The following EXOC6B variants were observed in gnomAD, a reference collection of about 807,000 sequenced individuals.
EXOC6B encodes exocyst complex component 6B.
EXOC6B carries 54 observed loss-of-function variants against 113.5 expected under a neutral mutation model. The ratio of observed to expected loss-of-function variants is 0.48; its 90% CI spans 0.38 to 0.60. EXOC6B has a LOEUF of 0.60. Ranked by LOEUF, EXOC6B falls within the 20% of genes least tolerant of loss-of-function variation. The pLI is 0.00. For missense variants in EXOC6B, 797 were observed against 977.5 expected (o/e 0.82, Z 2.46); for synonymous variants, 357 against 339.0 (o/e 1.05, Z -0.58).
chr2:72,397,626 A>AAAAATAAAT lies in EXOC6B; in HGVS notation c.1981-17757_1981-17756insATTTATTTT, dbSNP rs1297110503. 9.2e-3 allele frequency among the ~76,000 whole-genome samples: 1,211 copies of AAAAATAAAT among 131,612 alleles called. 29 individuals are homozygous for AAAAATAAAT. The highest frequency in any genetic ancestry group is 0.031 in the African/African-American group (1,004 of 32,434). The allele number at this position is 131,612 out of a possible 152,430, so 86.3% of individuals were successfully genotyped here. ...AGGTGAAACCTCATCTCAAAAAAAA[A>AAAAATAAAT]AAATAAAATAAAATAAAATAAAATA... is the stretch of plus-strand genomic sequence containing the variant. On this transcript the variant is annotated intron_variant, in intron 18 of 21. Transcript: ENST00000272427.
At chr2:72,585,416 G>A (rs1473997423) in intron 6 of EXOC6B, among the ~76,000 whole-genome samples, 9 of 151,998 alleles carry the variant, frequency 5.9e-5, no homozygotes, top group Admixed American at 4.6e-4. Context: ...TGGCCAACAC[G>A]GTGAAACCCC....
intron 19 of EXOC6B, among the ~76,000 whole-genome samples, chr2:72,373,761 T>C (rs1691180555): frequency 6.6e-6 from 1 of 152,140 alleles, no homozygotes; most frequent in Non-Finnish European, 1.5e-5. Flanking sequence ...ACACAGGCAA[T>C]AACAAATGCT....
intron 8 of EXOC6B, among the ~76,000 whole-genome samples, chr2:72,518,483 G>GGC (rs1304428616): frequency 3.5e-5 from 5 of 143,382 alleles, no homozygotes; most frequent in Non-Finnish European, 6.1e-5. Context: ...ATTAAAGTAG[G>GGC]GTGTGTGTGT....
At chr2:72,648,785 G>A (rs1475350045) in intron 6 of EXOC6B, among the ~76,000 whole-genome samples, 2 of 145,434 alleles carry the variant, frequency 1.4e-5, no homozygotes, top group African/African-American at 5.2e-5. Flanking sequence ...TATGTTAAAT[G>A]AAATAAACCA....
At chr2:72,612,174 C>T (rs1257080820) in intron 6 of EXOC6B, among the ~76,000 whole-genome samples, 1 of 151,968 alleles carries the variant, frequency 6.6e-6, no homozygotes, top group Non-Finnish European at 1.5e-5. Flanking sequence ...ACTCGGAAGG[C>T]TGAGGCACGA....
At chr2:72,665,258 C>T (rs576226244) in intron 6 of EXOC6B, among the ~76,000 whole-genome samples, 1 of 152,278 alleles carries the variant, frequency 6.6e-6, no homozygotes, top group African/African-American at 2.4e-5. Flanking sequence ...CTCTCCCACA[C>T]ACACACTTGG....
chr2:72,453,410 C>A (rs1697025284), intron 18 of EXOC6B, among the ~76,000 whole-genome samples: 1 of 152,002 alleles, frequency 6.6e-6, no homozygotes, highest in African/African-American at 2.4e-5. Flanking sequence ...AAAATGCCAA[C>A]AACAATTTTG....
chr2:72,378,450 T>C (rs778203336), intron 19 of EXOC6B, among the ~76,000 whole-genome samples: 2 of 152,208 alleles, frequency 1.3e-5, no homozygotes, highest in Non-Finnish European at 2.9e-5. Context: ...ATGGCAAGAT[T>C]ACCTTATGTG....
chr2:72,417,271 C>G (rs1239297460), intron 18 of EXOC6B, among the ~76,000 whole-genome samples: 1 of 152,098 alleles, frequency 6.6e-6, no homozygotes, highest in Non-Finnish European at 1.5e-5. Context: ...TCTTCTCACC[C>G]CTCCACCTCC....
intron 6 of EXOC6B, among the ~76,000 whole-genome samples, chr2:72,611,029 A>T (rs1315147257): frequency 6.6e-6 from 1 of 152,144 alleles, no homozygotes; most frequent in Non-Finnish European, 1.5e-5. Context: ...AAAGCACCAG[A>T]TAAACCCAGA....
intron 6 of EXOC6B, among the ~76,000 whole-genome samples, chr2:72,657,826 CT>C (rs1674707313): frequency 6.6e-6 from 1 of 151,102 alleles, no homozygotes; most frequent in Non-Finnish European, 1.5e-5. Flanking sequence ...AATGCATTTA[CT>C]TTTTTTAATG....
chr2:72,479,238 T>C (rs1698930541), intron 17 of EXOC6B, among the ~76,000 whole-genome samples: 1 of 152,180 alleles, frequency 6.6e-6, no homozygotes, highest in Non-Finnish European at 1.5e-5. Context: ...AATGTGTAAC[T>C]TAACCTAGCA....
chr2:72,470,641 C>T (rs1375137295), intron 17 of EXOC6B, among the ~76,000 whole-genome samples: 6 of 149,656 alleles, frequency 4.0e-5, no homozygotes, highest in East Asian at 2.0e-4. Context: ...CAACAGGCCC[C>T]GGTGTGTGAT....
chr2:72,618,528 C>G (rs1671544019), intron 6 of EXOC6B, among the ~76,000 whole-genome samples: 2 of 152,098 alleles, frequency 1.3e-5, no homozygotes, highest in Non-Finnish European at 2.9e-5. Context: ...CCAAGATTTC[C>G]CTTCTTGAGA....
Position 72,471,374 on chromosome 2 carries a change from G to A in EXOC6B, c.1801-6035C>T, listed in dbSNP as rs562728994. 2.6e-5 allele frequency among the ~76,000 whole-genome samples: 4 copies of A among 152,288 alleles called. No homozygotes were observed. In the East Asian group the frequency reaches 7.7e-4, roughly 29 times the overall value. On this transcript the variant is annotated intron_variant, in intron 17 of 21. Coordinates refer to ENST00000272427, the MANE Select transcript of EXOC6B (RefSeq NM_015189.3). ...GATTCTGGATATTAGCCCTTTGTCA[G>A]ATGAGTAGGTTGAAAAAATTTTCTC... is the stretch of plus-strand genomic sequence containing the variant.
At chr2:72,181,117 G>A (rs1678055661) in intron 21 of EXOC6B, among the ~76,000 whole-genome samples, 1 of 151,760 alleles carries the variant, frequency 6.6e-6, no homozygotes, top group Non-Finnish European at 1.5e-5. Context: ...GCTGAGGCAG[G>A]AGAATGGTGT....
chr2:72,497,896 G>A (rs543061512), intron 13 of EXOC6B, among the ~76,000 whole-genome samples: 2 of 152,274 alleles, frequency 1.3e-5, no homozygotes, highest in Admixed American at 1.3e-4. Flanking sequence ...AGATGTGACA[G>A]AATAACTTTC....
chr2:72,525,877 A>G (rs1459500943), intron 8 of EXOC6B, among the ~76,000 whole-genome samples: 1 of 152,138 alleles, frequency 6.6e-6, no homozygotes, highest in African/African-American at 2.4e-5. Flanking sequence ...GACACCAAAA[A>G]TTCTTAACTG....
At chr2:72,384,405 A>T (rs950454253) in intron 18 of EXOC6B, among the ~76,000 whole-genome samples, 2 of 152,134 alleles carry the variant, frequency 1.3e-5, no homozygotes, top group East Asian at 3.9e-4. Flanking sequence ...TCCTATAGCT[A>T]ATGTCATACA....
Sources: gnomAD v4.1 joint callset for allele counts (sites outside exome capture counted in the v4.1 genomes callset) on GRCh38, gnomAD v4.1.1 for gene constraint, MANE v1.5 for transcripts, NCBI Gene and HGNC (gene_info 2026-07-23, HGNC 2026-07-21) for gene names.